The following UBE3D variants were observed in gnomAD, a reference collection of about 807,000 sequenced individuals.
UBE3D encodes the protein ubiquitin protein ligase E3D.
UBE3D carries 48 observed loss-of-function variants against 49.6 expected under a neutral mutation model. That is an observed-to-expected ratio of 0.97 (90% CI 0.77 to 1.23). The LOEUF is 1.23. Ranked by LOEUF, UBE3D falls within the 50% of genes most tolerant of loss-of-function variation. UBE3D has a pLI of 0.00. For synonymous variants in UBE3D, 189 were observed against 174.2 expected (o/e 1.08, Z -0.67); for missense variants, 452 against 468.4 (o/e 0.96, Z 0.32).
chr6:82,996,680 T>C (rs935556802), intron 8 of UBE3D, among the ~76,000 whole-genome samples: 10 of 152,084 alleles, frequency 6.6e-5, no homozygotes, highest in South Asian at 4.1e-4. Context: ...TACCCTAATA[T>C]GATGTGATGC....
chr6:82,894,904 G>A (rs1375435832), intron 9 of UBE3D, among the ~76,000 whole-genome samples: 2 of 152,180 alleles, frequency 1.3e-5, no homozygotes, highest in African/African-American at 4.8e-5. Context: ...ACATGAAGAC[G>A]ATGGAAGAAA....
At position 83,022,330 on chromosome 6, in the gene UBE3D, T is replaced by C. The variant is rs187834105; in HGVS notation, c.846+123A>G. ...GCATAAGCCACCGTGCCCAGCCTGATATTAACATTTTTAATCACTTATTTT... is the reference window on the plus strand; with the variant it reads ...GCATAAGCCACCGTGCCCAGCCTGACATTAACATTTTTAATCACTTATTTT... On this transcript the variant is annotated intron_variant, in intron 7 of 9. Coordinates refer to ENST00000369747, the MANE Select transcript of UBE3D (RefSeq NM_198920.3). The C allele has an allele frequency of 8.8e-4, 590 of 669,842 alleles. 2 individuals carry two copies. Among genetic ancestry groups the C allele is most frequent in the African/African-American group, 8.4e-3 (437 of 52,200 alleles). The allele number at this position is 669,842 out of a possible 1,614,324, so 41.5% of individuals were successfully genotyped here. A position where few individuals can be genotyped will look rare whatever the true frequency, so the allele number is the denominator to read the frequency against.
At chr6:82,957,248 T>A (rs1474705261) in intron 9 of UBE3D, 64 bp downstream of exon 9, 3 of 1,554,410 alleles carry the variant, frequency 1.9e-6, no homozygotes, top group Non-Finnish European at 2.6e-6. Context: ...AAAGAGAGGA[T>A]CCTTAAAAAA....
intron 8 of UBE3D, among the ~76,000 whole-genome samples, chr6:82,973,738 A>G (rs1173630762): frequency 1.3e-5 from 2 of 152,020 alleles, no homozygotes; most frequent in African/African-American, 2.4e-5. Flanking sequence ...GAGGTCCCCA[A>G]CCCCTGGACC....
intron 8 of UBE3D, among the ~76,000 whole-genome samples, chr6:82,969,582 C>T (rs1005035897): frequency 1.7e-4 from 26 of 151,752 alleles, no homozygotes; most frequent in Non-Finnish European, 2.9e-5. Flanking sequence ...CACTCCAGAC[C>T]GAGTGACAGA....
chr6:82,973,613 G>C (rs917643190), intron 8 of UBE3D, among the ~76,000 whole-genome samples: 3 of 152,078 alleles, frequency 2.0e-5, no homozygotes, highest in Non-Finnish European at 4.4e-5. Context: ...AGCTATCTCT[G>C]ATAGCTGGAT....
Position 83,022,503 on chromosome 6 carries a change from T to G in UBE3D, c.796A>C (p.Ser266Arg), listed in dbSNP as rs1781172546. The stretch of plus-strand genomic sequence containing the variant: ...CCTTGAATCGTGAATCTAAAAGTGC[T>G]TCTAGCAGAGGAGAGCTGCACCAGA... ...QCLVQLSSAR[S>R]TFRFTIQGQD... is the part of the protein sequence containing the mutation. Residue 266 changes from serine to arginine, a missense_variant, in exon 7 of 10, where the codon AGC becomes CGC. Transcript: ENST00000369747. 6 of 1,606,804 alleles carry G rather than the reference T, an allele frequency of 3.7e-6. No homozygotes were observed. Among genetic ancestry groups the G allele is most frequent in the Non-Finnish European group, 4.2e-6 (5 of 1,177,174 alleles).
the UBE3D span, among the ~76,000 whole-genome samples, chr6:82,884,824 C>T: frequency 1.3e-5 from 2 of 152,128 alleles, no homozygotes; most frequent in African/African-American, 4.8e-5. Context: ...GATGATTTGC[C>T]TTGTTCTCCT....
chr6:82,970,076 A>ATATATATAAT (rs530386114), intron 8 of UBE3D, among the ~76,000 whole-genome samples: 8 of 148,140 alleles, frequency 5.4e-5, no homozygotes, highest in Non-Finnish European at 8.9e-5. Flanking sequence ...ATATACTATT[A>ATATATATAAT]TATATATAAT....
chr6:83,039,886 C>T (rs367648916), intron 4 of UBE3D, among the ~76,000 whole-genome samples: 2 of 152,110 alleles, frequency 1.3e-5, no homozygotes, highest in East Asian at 1.9e-4. Context: ...GTGATCCACC[C>T]ACCTTGGCCT....
At chr6:82,996,988 G>T (rs1317201878) in intron 8 of UBE3D, among the ~76,000 whole-genome samples, 1 of 151,848 alleles carries the variant, frequency 6.6e-6, no homozygotes, top group East Asian at 1.9e-4. Flanking sequence ...TTTTGACAAA[G>T]ATGTCATGAT....
At chr6:82,927,202 G>A (rs1259439283) in intron 9 of UBE3D, among the ~76,000 whole-genome samples, 2 of 137,102 alleles carry the variant, frequency 1.5e-5, no homozygotes, top group African/African-American at 5.3e-5. Flanking sequence ...CTGTTCCATT[G>A]ATCTATTTGT....
intron 8 of UBE3D, among the ~76,000 whole-genome samples, chr6:82,975,970 G>A (rs548183201): frequency 2.1e-4 from 32 of 152,258 alleles, no homozygotes; most frequent in Admixed American, 1.8e-3. Context: ...CTATTATCAA[G>A]AGAAGATTAT....
chr6:83,029,864 GT>G (rs1206646907), intron 5 of UBE3D, among the ~76,000 whole-genome samples: 2 of 152,106 alleles, frequency 1.3e-5, no homozygotes, highest in African/African-American at 4.8e-5. Flanking sequence ...AGTATCCACT[GT>G]ACCTGCATAG....
chr6:82,962,965 C>T (rs1278486467), intron 8 of UBE3D, among the ~76,000 whole-genome samples: 6 of 152,162 alleles, frequency 3.9e-5, no homozygotes, highest in Admixed American at 3.9e-4. Context: ...GTTCATCCTG[C>T]TCTTTCTATT....
intron 9 of UBE3D, among the ~76,000 whole-genome samples, chr6:82,951,770 G>C (rs12154072): frequency 0.1 from 15,385 of 152,186 alleles, 889 homozygotes; most frequent in Non-Finnish European, 0.13. Context: ...GGCAGATCTT[G>C]TTCCTACTGT....
chr6:82,898,826 T>TA (rs974701421), intron 9 of UBE3D, among the ~76,000 whole-genome samples: 2 of 152,038 alleles, frequency 1.3e-5, no homozygotes, highest in Admixed American at 6.5e-5. Flanking sequence ...TAAAGTATAA[T>TA]AAAAAAAATT....
intron 9 of UBE3D, among the ~76,000 whole-genome samples, chr6:82,946,256 C>G (rs1030718144): frequency 6.6e-5 from 10 of 151,928 alleles, no homozygotes; most frequent in African/African-American, 1.9e-4. Context: ...CCTAAAAGCA[C>G]CAACAGAAAA....
At chr6:83,020,067 T>C (rs985836164) in intron 7 of UBE3D, among the ~76,000 whole-genome samples, 5 of 152,214 alleles carry the variant, frequency 3.3e-5, no homozygotes, top group Admixed American at 3.3e-4. Context: ...GAATGCCCAC[T>C]ATAAAAGATA....
Sources: gnomAD v4.1 joint callset for allele counts (sites outside exome capture counted in the v4.1 genomes callset) on GRCh38, gnomAD v4.1.1 for gene constraint, MANE v1.5 for transcripts, NCBI Gene and HGNC (gene_info 2026-07-23, HGNC 2026-07-21) for gene names.